DAB1: variants seen among roughly 807,000 people sequenced by gnomAD.
DAB1 encodes the protein disabled homolog 1.
Under a neutral mutation model 64.6 loss-of-function variants are expected in DAB1, and 15 were observed. The ratio of observed to expected loss-of-function variants is 0.23; its 90% CI spans 0.16 to 0.36. The LOEUF is 0.36. DAB1 is among the 10% of genes least tolerant of loss of function. DAB1 has a pLI of 1.00. For synonymous variants in DAB1, 235 were observed against 251.9 expected (o/e 0.93, Z 0.64); for missense variants, 596 against 706.7 (o/e 0.84, Z 1.78).
At chr1:57,826,173 G>A (rs369715834) in exon 2 of DAB1, 1 of 152,194 alleles carries the variant, frequency 6.6e-6, no homozygotes, top group African/African-American at 2.4e-5. Context: ...CCAATAAACA[G>A]TTTCATGCTA....
At chr1:58,060,694 G>A (rs1648442112) in intron 5 of DAB1, among the ~76,000 whole-genome samples, 1 of 152,194 alleles carries the variant, frequency 6.6e-6, no homozygotes, top group African/African-American at 2.4e-5. Context: ...AGCATGCCTC[G>A]AGTGTTGTAA....
chr1:57,530,901 A>C (rs1287146506), intron 7 of DAB1, among the ~76,000 whole-genome samples: 1 of 152,220 alleles, frequency 6.6e-6, no homozygotes, highest in African/African-American at 2.4e-5. Flanking sequence ...CCTGGGGCCC[A>C]GGTTCAAGGC....
At chr1:57,796,327 A>T (rs1262675227) in intron 6 of DAB1, among the ~76,000 whole-genome samples, 2 of 151,940 alleles carry the variant, frequency 1.3e-5, no homozygotes, top group African/African-American at 4.8e-5. Flanking sequence ...GAAGATCGAG[A>T]CCATCCTGGC....
At chr1:57,869,923 A>G (rs754143070) in intron 1 of DAB1, among the ~76,000 whole-genome samples, 3 of 152,128 alleles carry the variant, frequency 2.0e-5, no homozygotes, top group Non-Finnish European at 2.9e-5. Context: ...CTGCATGAGA[A>G]GTTTTCCAAG....
At chr1:57,655,419 C>T (rs770641932) in intron 6 of DAB1, among the ~76,000 whole-genome samples, 7 of 152,152 alleles carry the variant, frequency 4.6e-5, no homozygotes, top group Admixed American at 2.0e-4. Context: ...CATCATCAAT[C>T]ATCCATCCGT....
intron 3 of DAB1, among the ~76,000 whole-genome samples, chr1:57,140,578 C>G (rs1658502073): frequency 6.6e-6 from 1 of 152,132 alleles, no homozygotes; most frequent in Non-Finnish European, 1.5e-5. Flanking sequence ...GTAGAACCAA[C>G]AGCTTCCAAA....
intron 7 of DAB1, among the ~76,000 whole-genome samples, chr1:57,497,639 C>T (rs145930704): frequency 0.011 from 1,681 of 152,226 alleles, 35 homozygotes; most frequent in African/African-American, 0.038. Context: ...ATTGGATGGG[C>T]AACAGGGTGT....
rs558539955 is a variant in DAB1, at chr1:57,314,753, G to GA, written c.-136-23588dup. ...GGCAACATATCAAGACATTGTCTCA[G>GA]AAAAAAAAAACACAAAACACACACA... On this transcript the variant is annotated intron_variant, in intron 1 of 14. Transcript: ENST00000371236. Among the ~76,000 whole-genome samples, 1,205 of 139,584 alleles carry GA rather than the reference G, an allele frequency of 8.6e-3. 7 individuals are homozygous for GA. The highest frequency in any genetic ancestry group is 0.023 in the South Asian group (101 of 4,430). 91.6% of individuals were successfully genotyped at this position (139,584 alleles called of 152,430 possible). A position where few individuals can be genotyped will look rare whatever the true frequency, so the allele number is the denominator to read the frequency against.
chr1:58,064,352 C>T lies in DAB1; in HGVS notation n.387+86159G>A, dbSNP rs114808905. Reference sequence around the variant, plus strand: ...ATCTGGAAGCACCTTCCTCAGACTGCTGGGCTGGGAGTCACCATGGAGACC... The same window carrying T: ...ATCTGGAAGCACCTTCCTCAGACTGTTGGGCTGGGAGTCACCATGGAGACC... On this transcript the variant is annotated intron_variant and non_coding_transcript_variant, in intron 5 of 20. Transcript: ENST00000485760. Among the ~76,000 whole-genome samples, 921 of 152,344 alleles carry T rather than the reference C, an allele frequency of 6.0e-3. 6 individuals carry two copies. The highest frequency in any genetic ancestry group is 0.021 in the African/African-American group (884 of 41,568).
chr1:57,586,832 A>C (rs1293205321), intron 7 of DAB1, among the ~76,000 whole-genome samples: 2 of 151,954 alleles, frequency 1.3e-5, no homozygotes, highest in Non-Finnish European at 2.9e-5. Flanking sequence ...AAGTAAAAGA[A>C]AGAAAGATGG....
chr1:58,453,254 G>T, intron 3 of DAB1, among the ~76,000 whole-genome samples: 1 of 152,134 alleles, frequency 6.6e-6, no homozygotes, highest in Admixed American at 6.5e-5. Context: ...AAGCAAAGGG[G>T]CACAGGGAGT....
intron 5 of DAB1, chr1:58,049,308 G>T (rs551267472): frequency 5.9e-6 from 4 of 676,882 alleles, no homozygotes; most frequent in South Asian, 5.3e-5. Context: ...AGGGAGAAGA[G>T]AGACTTTAAC....
At chr1:57,196,756 T>C (rs375619407) in intron 2 of DAB1, among the ~76,000 whole-genome samples, 1 of 152,332 alleles carries the variant, frequency 6.6e-6, no homozygotes, top group East Asian at 1.9e-4. Flanking sequence ...CGATAATAAG[T>C]GAAGAATCAG....
At chr1:57,433,169 A>G (rs1254773001) in intron 7 of DAB1, among the ~76,000 whole-genome samples, 1 of 152,168 alleles carries the variant, frequency 6.6e-6, no homozygotes, top group African/African-American at 2.4e-5. Flanking sequence ...CACAATCCCA[A>G]TAAAATTCCT....
At chr1:57,416,452 C>T (rs943295025) in intron 1 of DAB1, among the ~76,000 whole-genome samples, 2 of 152,116 alleles carry the variant, frequency 1.3e-5, no homozygotes, top group African/African-American at 4.8e-5. Flanking sequence ...TGGATGAAAG[C>T]AGTTTTATTT....
At chr1:57,580,076 T>C (rs186908846) in intron 7 of DAB1, among the ~76,000 whole-genome samples, 31 of 152,112 alleles carry the variant, frequency 2.0e-4, no homozygotes, top group African/African-American at 7.5e-4. Context: ...ACGTGCTCTG[T>C]AGCACAGCGG....
At chr1:57,696,886 A>G (rs1365411458) in intron 6 of DAB1, among the ~76,000 whole-genome samples, 2 of 152,154 alleles carry the variant, frequency 1.3e-5, no homozygotes, top group African/African-American at 4.8e-5. Context: ...TTATGATACT[A>G]CATGTGCTCT....
intron 7 of DAB1, among the ~76,000 whole-genome samples, chr1:57,527,170 C>T (rs1036173074): frequency 3.9e-5 from 6 of 152,134 alleles, no homozygotes; most frequent in African/African-American, 1.4e-4. Context: ...CTACTGTATG[C>T]CACTATTATA....
At chr1:57,159,988 T>C (rs557264494) in intron 2 of DAB1, among the ~76,000 whole-genome samples, 1 of 152,248 alleles carries the variant, frequency 6.6e-6, no homozygotes, top group South Asian at 2.1e-4. Flanking sequence ...CCTGCTCATC[T>C]GGGCAAATCA....
Sources: allele counts gnomAD v4.1 joint callset (sites outside exome capture counted in the v4.1 genomes callset), GRCh38; gene constraint gnomAD v4.1.1; transcripts MANE v1.5; gene names NCBI Gene and HGNC (gene_info 2026-07-23, HGNC 2026-07-21).